POGLUT2: variants seen among roughly 807,000 people sequenced by gnomAD.
POGLUT2 encodes protein O-glucosyltransferase 2.
A neutral mutation model predicts 57.6 loss-of-function variants in POGLUT2; 47 were observed. The observed-to-expected ratio is 0.82, with a 90% CI of 0.65 to 1.04. The LOEUF is 1.04. POGLUT2 is among the 50% of genes least tolerant of loss of function. The pLI is 0.00. For missense variants in POGLUT2, 565 were observed against 614.8 expected (o/e 0.92, Z 0.86); for synonymous variants, 200 against 218.8 (o/e 0.91, Z 0.76).
At chr13:102,786,915 C>T (rs1490233789) in intron 8 of POGLUT2, among the ~76,000 whole-genome samples, 1 of 152,096 alleles carries the variant, frequency 6.6e-6, no homozygotes. Context: ...AGAAATACAC[C>T]AACTTTGATC....
intron 7 of POGLUT2, 61 bp downstream of exon 7, chr13:102,788,951 C>A: frequency 7.2e-7 from 1 of 1,390,712 alleles, no homozygotes; most frequent in African/African-American, 1.4e-5. Flanking sequence ...CAATACATTT[C>A]AAAAGGACCC....
Position 102,793,398 on chromosome 13 carries a change from A to C in POGLUT2, c.615T>G (p.Gly205=). The C allele has an allele frequency of 1.3e-6, 2 of 1,593,596 alleles. No individual in the cohort carries two copies. Among genetic ancestry groups the C allele is most frequent in the South Asian group, 1.1e-5 (1 of 90,552 alleles). The stretch of plus-strand genomic sequence containing the variant: ...TGAAAATTCTAAAACCTACATGTTC[A>C]CCATGAGTCTTGATATAAACCTAAA... ...KDNKVYIKTH[G]EHVGFRIFMD... Residue 205 remains glycine, a synonymous_variant, in exon 4 of 10, where the codon GGT becomes GGG. Transcript: ENST00000376004.
chr13:102,787,034 G>T (rs1024982819), intron 8 of POGLUT2, among the ~76,000 whole-genome samples: 5 of 149,056 alleles, frequency 3.4e-5, no homozygotes, highest in African/African-American at 5.0e-5. Flanking sequence ...ACCTGATTTT[G>T]TTTTTTTTTT....
chr13:102,791,477 T>G, intron 4 of POGLUT2, 47 bp from the exon 5 acceptor site: 3 of 1,479,036 alleles, frequency 2.0e-6, no homozygotes, highest in Non-Finnish European at 2.7e-6. Context: ...CTGCATTGGA[T>G]AATACATTGT....
In POGLUT2 at chr13:102,796,941, C is replaced by T. The variant is rs1259300488; in HGVS notation, c.251G>A (p.Arg84Lys). Residue 84 changes from arginine (R) to lysine (K), a missense_variant, in exon 2 of 10, where the codon AGA becomes AAA. Arg to Lys is a conservative substitution (Grantham distance 26, BLOSUM62 2). Transcript: ENST00000376004. ...KVSAPEEQFT[R>K]VGVQVLDRKD... is the part of the protein sequence containing the mutation. ...TCGGTCTAAAACCTGGACTCCAACT[C>T]TAGTGAATTGCTCCTCTGGTGCTGA... 6.2e-7 allele frequency: 1 copy of T among 1,613,790 alleles called. No homozygotes were observed. The highest frequency in any genetic ancestry group is 1.1e-5 in the South Asian group (1 of 91,072).
At chr13:102,796,683 T>TTA (rs1169545657) in intron 2 of POGLUT2, 121 bp downstream of exon 2, 2,951 of 175,998 alleles carry the variant, frequency 0.017, 33 homozygotes, top group African/African-American at 0.024. Context: ...CTTCTTTCAG[T>TTA]AAAAAAAAAA....
chr13:102,793,798 A>C lies in POGLUT2; in HGVS notation c.397T>G (p.Tyr133Asp). The C allele has an allele frequency of 6.2e-7, 1 of 1,614,042 alleles. No homozygotes were observed. The highest frequency in any genetic ancestry group is 8.5e-7 in the Non-Finnish European group (1 of 1,179,842). The change falls in exon 3 of 10, where the codon TAC (tyrosine) becomes GAC (aspartate). Residue 133 changes from tyrosine to aspartate, a missense_variant. Coordinates refer to ENST00000376004, the MANE Select transcript of POGLUT2 (RefSeq NM_024089.3). Reference protein sequence around the residue: ...KSPYILKGPVYHENCDCPLQD... With the variant: ...KSPYILKGPVDHENCDCPLQD... Reference sequence around the variant, plus strand: ...AGAGGACAGTCACAGTTCTCATGGTAAACCGGCCCTATTTACATAAGAATA... The same window carrying C: ...AGAGGACAGTCACAGTTCTCATGGTCAACCGGCCCTATTTACATAAGAATA...
In POGLUT2 at chr13:102,798,960, C is replaced by A. The variant is rs1878568814; in HGVS notation, c.-290G>T. On this transcript the variant is annotated 5_prime_UTR_variant, in exon 1 of 10. Transcript: ENST00000376004. ...CAATGATGAACTTGAGTTGCTCCTG[C>A]CACTGGAGCATCATTTGGGAGCGAA... 1 of 412,190 alleles carries A rather than the reference C, an allele frequency of 2.4e-6. No individual in the cohort carries two copies. Among genetic ancestry groups the A allele is most frequent in the Non-Finnish European group, 4.3e-6 (1 of 234,334 alleles). The allele number at this position is 412,190 out of a possible 1,614,324, so 25.5% of individuals were successfully genotyped here. A position where few individuals can be genotyped will look rare whatever the true frequency, so the allele number is the denominator to read the frequency against.
intron 2 of POGLUT2, among the ~76,000 whole-genome samples, chr13:102,795,246 G>A (rs553222403): frequency 2.0e-5 from 2 of 100,928 alleles, no homozygotes. Context: ...GCGAGACATC[G>A]TCTCAAAAAA....
intron 2 of POGLUT2, among the ~76,000 whole-genome samples, chr13:102,796,293 C>CAAAAAAAAAAAAAAA (rs151064207): frequency 4.0e-5 from 4 of 100,724 alleles, no homozygotes; most frequent in African/African-American, 1.5e-4. Context: ...GACTCTGCCT[C>CAAAAAAAAAAAAAAA]AAAAAAAAAA....
intron 1 of POGLUT2, 135 bp downstream of exon 1, chr13:102,798,354 A>G: frequency 1.4e-6 from 1 of 718,460 alleles, no homozygotes; most frequent in Non-Finnish European, 2.2e-6. Context: ...CTACAGCTAC[A>G]GAGAAAAATG....
chr13:102,791,601 G>A (rs1330601337), intron 4 of POGLUT2, among the ~76,000 whole-genome samples, 171 bp from the exon 5 acceptor site: 3 of 152,216 alleles, frequency 2.0e-5, no homozygotes, highest in Admixed American at 2.0e-4. Context: ...ATGGTCACAT[G>A]TATAAGTATT....
In POGLUT2 at chr13:102,786,286, C is replaced by T; in HGVS notation, c.1437G>A (p.Arg479=). The T allele has an allele frequency of 6.2e-7, 1 of 1,614,028 alleles. No homozygotes were observed. Among genetic ancestry groups the T allele is most frequent in the Non-Finnish European group, 8.5e-7 (1 of 1,179,908 alleles). The change falls in exon 9 of 10, where the codon AGG becomes AGA. Residue 479 remains arginine, a synonymous_variant. Coordinates refer to ENST00000376004, the MANE Select transcript of POGLUT2 (RefSeq NM_024089.3). ...SEPQIREGMK[R]VEPQTEDDLF... ...GGTCGTCCTCAGTCTGTGGTTCTAC[C>T]CTTTTCATGCCCTCTCGGATTTGGG...
At chr13:102,798,021 C>G (rs1032015848) in intron 1 of POGLUT2, among the ~76,000 whole-genome samples, 1 of 152,110 alleles carries the variant, frequency 6.6e-6, no homozygotes, top group Non-Finnish European at 1.5e-5. Context: ...ATTAATACTT[C>G]GATACTTTCC....
chr13:102,794,210 C>T (rs1012951506), intron 2 of POGLUT2, among the ~76,000 whole-genome samples: 1 of 151,822 alleles, frequency 6.6e-6, no homozygotes, highest in African/African-American at 2.4e-5. Context: ...CCATCCTGGG[C>T]AAGACAGTGA....
At chr13:102,784,547 A>G (rs1595303953) in intron 9 of POGLUT2, 35 bp from the exon 10 acceptor site, 1 of 1,397,672 alleles carries the variant, frequency 7.2e-7, no homozygotes, top group Non-Finnish European at 1.0e-6. Context: ...AGAGCTATCA[A>G]GAAGTCTTAC....
chr13:102,786,262 G>A lies in POGLUT2; in HGVS notation c.1461C>T (p.Asp487=), dbSNP rs911725882. Residue 487 remains aspartate (D), a synonymous_variant, in exon 9 of 10, where the codon GAC becomes GAT. Coordinates refer to ENST00000376004, the MANE Select transcript of POGLUT2 (RefSeq NM_024089.3). Reference sequence around the variant, plus strand: ...TCCTATGGCAAGTACAAGGGAAGAGGTCGTCCTCAGTCTGTGGTTCTACCC... The same window carrying A: ...TCCTATGGCAAGTACAAGGGAAGAGATCGTCCTCAGTCTGTGGTTCTACCC... ...MKRVEPQTED[D]LFPCTCHRKK... The A allele has an allele frequency of 3.7e-6, 6 of 1,613,440 alleles. No homozygotes were observed. The highest frequency in any genetic ancestry group is 5.1e-6 in the Non-Finnish European group (6 of 1,179,484).
chr13:102,786,544 C>T (rs571815595), intron 8 of POGLUT2, among the ~76,000 whole-genome samples: 6 of 152,144 alleles, frequency 3.9e-5, no homozygotes, highest in East Asian at 1.9e-4. Flanking sequence ...GCTGCCTATT[C>T]CTAACAGACA....
At chr13:102,797,479 A>T (rs1342268238) in intron 1 of POGLUT2, among the ~76,000 whole-genome samples, 1 of 152,108 alleles carries the variant, frequency 6.6e-6, no homozygotes, top group African/African-American at 2.4e-5. Flanking sequence ...TACTATCTCA[A>T]CATCTTGGGA....
Sources: gnomAD v4.1 joint callset for allele counts (sites outside exome capture counted in the v4.1 genomes callset) on GRCh38, gnomAD v4.1.1 for gene constraint, MANE v1.5 for transcripts, NCBI Gene and HGNC (gene_info 2026-07-23, HGNC 2026-07-21) for gene names.